The following EGF variants were observed in gnomAD, a reference collection of about 807,000 sequenced individuals.
The protein encoded by EGF is pro-epidermal growth factor.
In EGF, 95 loss-of-function variants were observed where a neutral mutation model predicts 143.8. The ratio of observed to expected loss-of-function variants is 0.66; its 90% confidence interval spans 0.56 to 0.78. EGF has a LOEUF of 0.78. Ranked by LOEUF, EGF falls within the 30% of genes least tolerant of loss-of-function variation. The pLI is 0.00. For missense variants in EGF, 1,320 were observed against 1,470.9 expected, an observed-to-expected ratio of 0.90 and a Z score of 1.68; for synonymous variants, 510 against 510.5, an observed-to-expected ratio of 1.00 and a Z score of 0.01.
Position 109,991,625 on chromosome 4 carries a change from A to C in EGF, c.2735-1622A>C, listed in dbSNP as rs115085399. On this transcript the variant is annotated intron_variant, in intron 18 of 23. Coordinates refer to ENST00000265171, the MANE Select transcript of EGF (RefSeq NM_001963.6). The stretch of plus-strand genomic sequence containing the variant: ...AAGAAAAAATGGTGGGTAGTTGGGA[A>C]AGAAAGGATGACTTTTCTGATATAG... 2.0e-3 allele frequency among the ~76,000 whole-genome samples: 311 copies of C among 152,330 alleles called. 3 individuals carry two copies. Among genetic ancestry groups the C allele is most frequent in the African/African-American group, 7.3e-3 (304 of 41,568 alleles).
intron 5 of EGF, among the ~76,000 whole-genome samples, chr4:109,954,512 T>A (rs1295601179): frequency 1.3e-5 from 2 of 152,200 alleles, no homozygotes; most frequent in Admixed American, 1.3e-4. Context: ...GAACGGCCAT[T>A]CTTGTATTTT....
chr4:109,935,827 G>C (rs570749561), intron 1 of EGF, among the ~76,000 whole-genome samples: 1 of 152,166 alleles, frequency 6.6e-6, no homozygotes, highest in Non-Finnish European at 1.5e-5. Context: ...CGTTGGTTCT[G>C]TTTATGTGAT....
intron 4 of EGF, among the ~76,000 whole-genome samples, chr4:109,944,448 A>G (rs1360080880): frequency 6.6e-6 from 1 of 152,248 alleles, no homozygotes; most frequent in Non-Finnish European, 1.5e-5. Context: ...CAAGAAAAAG[A>G]CTTGAGTTCA....
At chr4:109,926,637 G>A (rs984567112) in intron 1 of EGF, among the ~76,000 whole-genome samples, 1 of 152,128 alleles carries the variant, frequency 6.6e-6, no homozygotes. Flanking sequence ...GATTACTGGC[G>A]TGAGCCACTG....
At chr4:109,969,395 T>G (rs1303617843) in intron 11 of EGF, among the ~76,000 whole-genome samples, 1 of 151,550 alleles carries the variant, frequency 6.6e-6, no homozygotes, top group Non-Finnish European at 1.5e-5. Context: ...TAAGTGGGAG[T>G]TGAACAATGA....
At chr4:109,935,983 C>T (rs577500469) in intron 1 of EGF, among the ~76,000 whole-genome samples, 49 of 152,224 alleles carry the variant, frequency 3.2e-4, no homozygotes, top group African/African-American at 1.2e-3. Context: ...CAATGTTCAT[C>T]AGGGATATTG....
In EGF at chr4:110,012,577, C is replaced by T. The variant is rs1198851706; in HGVS notation, c.*1122C>T. On this transcript the variant is annotated 3_prime_UTR_variant, in exon 24 of 24. Coordinates refer to ENST00000265171, the MANE Select transcript of EGF (RefSeq NM_001963.6). Reference sequence around the variant, plus strand: ...TTATTTTTTGTAGACATGGGGATCACACAATGTTGCCCAGGCTGGTCTTGA... The same window carrying T: ...TTATTTTTTGTAGACATGGGGATCATACAATGTTGCCCAGGCTGGTCTTGA... Among the ~76,000 whole-genome samples the T allele has an allele frequency of 6.6e-6, 1 of 152,066 alleles. No individual in the cohort carries two copies. Among genetic ancestry groups the T allele is most frequent in the Non-Finnish European group, 1.5e-5 (1 of 68,014 alleles).
chr4:109,919,395 T>G (rs1242926122), intron 1 of EGF, among the ~76,000 whole-genome samples: 3 of 151,098 alleles, frequency 2.0e-5, no homozygotes, highest in Admixed American at 6.6e-5. Flanking sequence ...CTCTCTGTCC[T>G]GTATTCTGAG....
At chr4:109,978,555 A>G (rs1041734626) in intron 13 of EGF, among the ~76,000 whole-genome samples, 1 of 152,196 alleles carries the variant, frequency 6.6e-6, no homozygotes, top group African/African-American at 2.4e-5. Context: ...TAGGAAAAGA[A>G]AGGAGAATGG....
chr4:109,929,757 C>A (rs771174254), intron 1 of EGF, among the ~76,000 whole-genome samples: 2 of 152,078 alleles, frequency 1.3e-5, no homozygotes, highest in Admixed American at 6.6e-5. Flanking sequence ...TCTCCTGGCT[C>A]TTCTTTCTGG....
rs980296798 is a variant in EGF, at chr4:110,013,115, A to G, written c.*1660A>G. Among the ~76,000 whole-genome samples, 3 of 152,166 alleles carry G rather than the reference A, an allele frequency of 2.0e-5. No homozygotes were observed. Among genetic ancestry groups the G allele is most frequent in the Non-Finnish European group, 4.4e-5 (3 of 68,040 alleles). On this transcript the variant is annotated 3_prime_UTR_variant, in exon 24 of 24. Coordinates refer to ENST00000265171, the MANE Select transcript of EGF (RefSeq NM_001963.6). ...ATATTCGGTTTTGCTTTCATTGACA[A>G]TATCCTGGAGGATCAGAAGACTTGT...
chr4:109,922,911 T>C (rs1738037065), intron 1 of EGF, among the ~76,000 whole-genome samples: 1 of 151,626 alleles, frequency 6.6e-6, no homozygotes, highest in Admixed American at 6.6e-5. Flanking sequence ...CCAAAAACCA[T>C]AAATGAGACA....
At chr4:109,952,426 A>T (rs532396208) in intron 5 of EGF, among the ~76,000 whole-genome samples, 1 of 152,320 alleles carries the variant, frequency 6.6e-6, no homozygotes, top group South Asian at 2.1e-4. Context: ...CATGAAGGAT[A>T]ATTGTCTCCA....
At chr4:109,941,726 G>C (rs1198484408) in intron 2 of EGF, among the ~76,000 whole-genome samples, 2 of 152,102 alleles carry the variant, frequency 1.3e-5, no homozygotes, top group East Asian at 1.9e-4. Flanking sequence ...CATGGGTTTT[G>C]GCACCTGACA....
chr4:109,934,640 C>T (rs1167779966), intron 1 of EGF, among the ~76,000 whole-genome samples: 1 of 152,130 alleles, frequency 6.6e-6, no homozygotes, highest in Non-Finnish European at 1.5e-5. Context: ...TTTGCCCATG[C>T]CTATGTCCTG....
chr4:109,986,580 C>A (rs1226016779), intron 16 of EGF, among the ~76,000 whole-genome samples: 1 of 152,024 alleles, frequency 6.6e-6, no homozygotes, highest in Non-Finnish European at 1.5e-5. Context: ...AATTTATCGG[C>A]AAGTTTGGAG....
intron 11 of EGF, among the ~76,000 whole-genome samples, chr4:109,971,269 T>C (rs535568545): frequency 2.0e-5 from 3 of 152,304 alleles, no homozygotes; most frequent in African/African-American, 4.8e-5. Flanking sequence ...CTCAGAGTCA[T>C]GTGACAAATT....
In EGF at chr4:109,998,903, A is replaced by G. The variant is rs116236818; in HGVS notation, c.3006-776A>G. ...CAAAGTTGATGCTTTTGCAAAGGATAATAGAATACAGATGTTTACCTGAGA... is the reference window on the plus strand; with the variant it reads ...CAAAGTTGATGCTTTTGCAAAGGATGATAGAATACAGATGTTTACCTGAGA... On this transcript the variant is annotated intron_variant, in intron 20 of 23. Coordinates refer to ENST00000265171, the MANE Select transcript of EGF (RefSeq NM_001963.6). Among the ~76,000 whole-genome samples the G allele has an allele frequency of 8.4e-3, 1,278 of 152,374 alleles. 6 individuals carry two copies. Among genetic ancestry groups the G allele is most frequent in the South Asian group, 0.016 (79 of 4,832 alleles).
At chr4:109,933,361 C>T (rs1196847534) in intron 1 of EGF, among the ~76,000 whole-genome samples, 1 of 152,004 alleles carries the variant, frequency 6.6e-6, no homozygotes, top group Non-Finnish European at 1.5e-5. Flanking sequence ...TTTATGCTGG[C>T]ACCTATTTCA....
Sources: gnomAD v4.1 joint callset for allele counts (sites outside exome capture counted in the v4.1 genomes callset) on GRCh38, gnomAD v4.1.1 for gene constraint, MANE v1.5 for transcripts, NCBI Gene and HGNC (gene_info 2026-07-23, HGNC 2026-07-21) for gene names.